IRAG1: variants seen among roughly 807,000 people sequenced by gnomAD.
IRAG1 encodes the protein inositol 1,4,5-triphosphate receptor associated 1.
IRAG1 carries 62 observed loss-of-function variants against 106.2 expected under a neutral mutation model. That is an observed-to-expected ratio of 0.58 (90% CI 0.48 to 0.72). The LOEUF is 0.72. Among genes scored for constraint, IRAG1 ranks in the 30% least tolerant of loss-of-function variants. IRAG1 has a pLI of 0.00. For synonymous variants in IRAG1, 462 were observed against 443.9 expected (o/e 1.04, Z -0.51); for missense variants, 1,064 against 1,140.7 (o/e 0.93, Z 0.97).
intron 1 of IRAG1, 25 bp downstream of exon 1, chr11:10,693,511 A>T: frequency 3.9e-6 from 6 of 1,535,376 alleles, no homozygotes; most frequent in Non-Finnish European, 5.2e-6. Context: ...GAGGCAGGTT[A>T]TTCTAGGATA....
intron 1 of IRAG1, among the ~76,000 whole-genome samples, chr11:10,682,898 A>G (rs1564944069): frequency 6.6e-6 from 1 of 152,154 alleles, no homozygotes; most frequent in Non-Finnish European, 1.5e-5. Context: ...CCCTGATCCA[A>G]GCTGGACTTA....
intron 1 of IRAG1, among the ~76,000 whole-genome samples, chr11:10,672,596 G>C (rs550197939): frequency 6.6e-6 from 1 of 152,298 alleles, no homozygotes; most frequent in South Asian, 2.1e-4. Flanking sequence ...TCAACTATCA[G>C]GGAAATACAA....
At chr11:10,612,362 CA>C (rs1855039997) in intron 10 of IRAG1, among the ~76,000 whole-genome samples, 1 of 152,172 alleles carries the variant, frequency 6.6e-6, no homozygotes, top group Non-Finnish European at 1.5e-5. Flanking sequence ...GGACTATGAA[CA>C]GAGTTACGGA....
At position 10,604,549 on chromosome 11, in the gene IRAG1, T is replaced by C. The variant is rs747086695; in HGVS notation, c.1603-4A>G. ...AGGACAGTTGCACAAACACGTTCTG[T>C]TGGGAACAAGGGTGTGAGAGAGGTG... On this transcript the variant is annotated splice_polypyrimidine_tract_variant and splice_region_variant and intron_variant, in intron 12 of 20. Coordinates refer to ENST00000423302, the MANE Select transcript of IRAG1 (RefSeq NM_130385.4). 2 of 1,614,006 alleles carry C rather than the reference T, an allele frequency of 1.2e-6. No individual in the cohort carries two copies. Among genetic ancestry groups the C allele is most frequent in the Non-Finnish European group, 8.5e-7 (1 of 1,179,878 alleles).
chr11:10,607,693 C>T (rs1362965443), intron 11 of IRAG1, among the ~76,000 whole-genome samples: 1 of 152,144 alleles, frequency 6.6e-6, no homozygotes, highest in Non-Finnish European at 1.5e-5. Flanking sequence ...GGAAACACAG[C>T]TTCCTCTCTT....
At chr11:10,577,688 G>C (rs1422984317) in intron 20 of IRAG1, among the ~76,000 whole-genome samples, 1 of 152,170 alleles carries the variant, frequency 6.6e-6, no homozygotes, top group Non-Finnish European at 1.5e-5. Context: ...TGAGGTAGCA[G>C]AAAATGCATG....
chr11:10,690,421 C>A (rs1193758177), intron 1 of IRAG1: 3 of 1,284,274 alleles, frequency 2.3e-6, no homozygotes, highest in African/African-American at 1.5e-5. Flanking sequence ...CTGCTTTCCA[C>A]CTCCCTTGGA....
At chr11:10,671,834 C>T (rs965079650) in intron 1 of IRAG1, among the ~76,000 whole-genome samples, 1 of 152,046 alleles carries the variant, frequency 6.6e-6, no homozygotes, top group African/African-American at 2.4e-5. Context: ...AATTAAAGCC[C>T]TAAATTGTTG....
Position 10,615,699 on chromosome 11 carries a change from G to A in IRAG1, c.1448-5848C>T, listed in dbSNP as rs1020352627. On this transcript the variant is annotated intron_variant, in intron 10 of 20. Transcript: ENST00000423302. ...TCGCAGGGACAAAAAACCAAACACC[G>A]CATGTTCTCACTCATAGGCGGGAAT... Among the ~76,000 whole-genome samples the A allele has an allele frequency of 4.6e-5, 7 of 151,794 alleles. No homozygotes were observed. In the East Asian group the frequency reaches 7.9e-4, roughly 17 times the overall value.
chr11:10,630,364 GCT>G (rs1856596383), intron 4 of IRAG1, among the ~76,000 whole-genome samples: 1 of 138,562 alleles, frequency 7.2e-6, no homozygotes, highest in South Asian at 2.3e-4. Context: ...TTGCTCATTA[GCT>G]CTTTTTTTTT....
Position 10,594,185 on chromosome 11 carries a change from G to T in IRAG1, c.2028C>A (p.Val676=). 6.2e-7 allele frequency: 1 copy of T among 1,610,230 alleles called. No individual in the cohort carries two copies. Among genetic ancestry groups the T allele is most frequent in the Non-Finnish European group, 8.5e-7 (1 of 1,178,422 alleles). ...GGGACATGGACCGTGCCGTGCGAGG[G>T]ACCCCATCTTCTGCAGCAGGAGGGA... ...SRSCGPSEDG[V]PRTARSMSLT... Residue 676 remains valine, a synonymous_variant, in exon 16 of 21, where the codon GTC becomes GTA. Coordinates refer to ENST00000423302, the MANE Select transcript of IRAG1 (RefSeq NM_130385.4).
chr11:10,598,928 G>T (rs553287664), intron 15 of IRAG1, among the ~76,000 whole-genome samples: 1 of 152,162 alleles, frequency 6.6e-6, no homozygotes, highest in African/African-American at 2.4e-5. Context: ...GATTGCAGAG[G>T]TTGTATAAAG....
At chr11:10,582,631 GC>G (rs1231658680) in intron 18 of IRAG1, among the ~76,000 whole-genome samples, 1 of 152,220 alleles carries the variant, frequency 6.6e-6, no homozygotes, top group Non-Finnish European at 1.5e-5. Flanking sequence ...TGAAGCACAG[GC>G]CTGAAGGATG....
Position 10,603,222 on chromosome 11 carries a change from C to T in IRAG1, c.1773G>A (p.Glu591=). 6.2e-7 allele frequency: 1 copy of T among 1,613,404 alleles called. No individual in the cohort carries two copies. Among genetic ancestry groups the T allele is most frequent in the South Asian group, 1.1e-5 (1 of 91,030 alleles). Residue 591 remains glutamate (E), a synonymous_variant, in exon 14 of 21, where the codon GAG becomes GAA. Coordinates refer to ENST00000423302, the MANE Select transcript of IRAG1 (RefSeq NM_130385.4). ...GCAACTTCTGGTAGGTTTCCCGGTG[C>T]TCACAGTGGTGCCAGAGTGAAGCTG... ...TSSASLWHHC[E]HRETYQKLLE... is the part of the protein sequence containing the mutation.
At position 10,628,606 on chromosome 11, in the gene IRAG1, G is replaced by A. The variant is rs1252945001; in HGVS notation, c.652+145C>T. On this transcript the variant is annotated intron_variant, in intron 6 of 20. Coordinates refer to ENST00000423302, the MANE Select transcript of IRAG1 (RefSeq NM_130385.4). This position sits in a 1 kb window ranked among gnomAD's most constrained non-coding sequence, Gnocchi z 4.1. ...TGGCCCAGCAAATGCCCCCCCTGGA[G>A]AGGGGTCTTGCTCTGGGTGTGAAGG... The A allele has an allele frequency of 4.5e-6, 3 of 670,484 alleles. No individual in the cohort carries two copies. Among genetic ancestry groups the A allele is most frequent in the South Asian group, 2.3e-5 (1 of 43,898 alleles). 41.5% of individuals were successfully genotyped at this position (670,484 alleles called of 1,614,324 possible).
chr11:10,611,706 T>C (rs1468983193), intron 10 of IRAG1: 1 of 152,166 alleles, frequency 6.6e-6, no homozygotes, highest in Non-Finnish European at 1.5e-5. Context: ...CTTCCACCCA[T>C]GATAACCCTT....
chr11:10,667,143 TTTTTTG>T (rs1859849898), intron 1 of IRAG1, among the ~76,000 whole-genome samples: 1 of 140,914 alleles, frequency 7.1e-6, no homozygotes, highest in Non-Finnish European at 1.5e-5. Flanking sequence ...TTTTTTTCGT[TTTTTTG>T]TTTTTGTTTT....
intron 10 of IRAG1, among the ~76,000 whole-genome samples, chr11:10,620,043 G>A (rs1034101951): frequency 6.6e-6 from 1 of 152,114 alleles, no homozygotes; most frequent in South Asian, 2.1e-4. Context: ...AGCTAATCTG[G>A]CAGTGTGCAC....
intron 15 of IRAG1, among the ~76,000 whole-genome samples, chr11:10,597,999 G>T (rs1229194852): frequency 6.6e-6 from 1 of 152,238 alleles, no homozygotes; most frequent in Non-Finnish European, 1.5e-5. Flanking sequence ...TGAGGAAGGA[G>T]AAAGTGTTTT....
Sources: gnomAD v4.1 joint callset for allele counts (sites outside exome capture counted in the v4.1 genomes callset) on GRCh38, gnomAD v4.1.1 for gene constraint, Gnocchi (gnomAD v3.1) non-coding constraint, MANE v1.5 for transcripts, NCBI Gene and HGNC (gene_info 2026-07-23, HGNC 2026-07-21) for gene names.